WWC2: variants seen among roughly 807,000 people sequenced by gnomAD.
WWC2 encodes the protein WW and C2 domain containing 2.
WWC2 carries 101 observed loss-of-function variants against 138.5 expected under a neutral mutation model. The ratio of observed to expected loss-of-function variants is 0.73; its 90% CI spans 0.62 to 0.86. WWC2 has a LOEUF of 0.86. Ranked by LOEUF, WWC2 falls within the 40% of genes least tolerant of loss-of-function variation. The pLI is 0.00. For missense variants in WWC2, 1,420 were observed against 1,419.4 expected (o/e 1.00, Z -0.01); for synonymous variants, 558 against 538.4 (o/e 1.04, Z -0.50).
intron 21 of WWC2, among the ~76,000 whole-genome samples, chr4:183,291,261 A>G (rs1229044144): frequency 2.6e-5 from 4 of 152,198 alleles, no homozygotes; most frequent in Non-Finnish European, 2.9e-5. Flanking sequence ...GTGGAGCTTC[A>G]CAGCGGGGAG....
At chr4:183,278,479 A>G (rs1419620492) in intron 16 of WWC2, among the ~76,000 whole-genome samples, 9 of 152,106 alleles carry the variant, frequency 5.9e-5, no homozygotes, top group Admixed American at 4.6e-4. Context: ...TTGGTTCCAT[A>G]TGAACTTTAA....
intron 2 of WWC2, 91 bp from the exon 3 acceptor site, chr4:183,207,862 C>T (rs1668256239): frequency 7.3e-6 from 9 of 1,231,144 alleles, no homozygotes; most frequent in Admixed American, 2.8e-5. Context: ...TTAGAGGATA[C>T]AAGAACTTAA....
chr4:183,231,206 A>G (rs570278497), intron 4 of WWC2, among the ~76,000 whole-genome samples: 1 of 148,788 alleles, frequency 6.7e-6, no homozygotes, highest in Non-Finnish European at 1.5e-5. Flanking sequence ...AAAATTATTC[A>G]CTGTACTAAC....
At chr4:183,181,020 T>C (rs919705376) in intron 1 of WWC2, among the ~76,000 whole-genome samples, 1 of 152,244 alleles carries the variant, frequency 6.6e-6, no homozygotes, top group Non-Finnish European at 1.5e-5. Flanking sequence ...ATGCACACAT[T>C]ACAAATTGTG....
At chr4:183,231,563 C>G (rs528161349) in intron 4 of WWC2, among the ~76,000 whole-genome samples, 19 of 152,208 alleles carry the variant, frequency 1.2e-4, no homozygotes, top group Middle Eastern at 3.4e-3. Context: ...AGTCACCATG[C>G]CCGTCCCAGA....
chr4:183,140,442 A>G (rs560086220), intron 1 of WWC2, among the ~76,000 whole-genome samples: 1 of 152,166 alleles, frequency 6.6e-6, no homozygotes, highest in Non-Finnish European at 1.5e-5. Context: ...TATTGCAATG[A>G]TTCTTTCATA....
At chr4:183,140,147 A>G (rs1733257975) in intron 1 of WWC2, among the ~76,000 whole-genome samples, 1 of 152,190 alleles carries the variant, frequency 6.6e-6, no homozygotes, top group African/African-American at 2.4e-5. Flanking sequence ...CATCGCTGGT[A>G]TGTATAGGTG....
At chr4:183,171,522 T>G (rs73870354) in intron 1 of WWC2, among the ~76,000 whole-genome samples, 4,581 of 152,260 alleles carry the variant, frequency 0.03, 240 homozygotes, top group African/African-American at 0.11. Flanking sequence ...TCTTTAGAGG[T>G]AAATTTGAAA....
At chr4:183,302,482 C>G (rs753783118) in intron 21 of WWC2, among the ~76,000 whole-genome samples, 14 of 152,156 alleles carry the variant, frequency 9.2e-5, no homozygotes, top group Non-Finnish European at 2.1e-4. Flanking sequence ...GGCTACCCAC[C>G]ACCTTTAGAC....
chr4:183,186,163 C>T (rs1482941938), intron 1 of WWC2, among the ~76,000 whole-genome samples: 2 of 152,096 alleles, frequency 1.3e-5, no homozygotes, highest in Non-Finnish European at 2.9e-5. Context: ...ACAGGATGGT[C>T]TCGATCTCCT....
chr4:183,224,983 A>G (rs1580076736), intron 4 of WWC2, among the ~76,000 whole-genome samples: 1 of 151,984 alleles, frequency 6.6e-6, no homozygotes, highest in East Asian at 1.9e-4. Context: ...TGATAATGGA[A>G]CCTCTTTATG....
At chr4:183,196,246 A>T (rs1735138528) in intron 2 of WWC2, among the ~76,000 whole-genome samples, 1 of 152,158 alleles carries the variant, frequency 6.6e-6, no homozygotes, top group Non-Finnish European at 1.5e-5. Flanking sequence ...GTATTCCTTT[A>T]TAACAAGGCA....
At chr4:183,163,005 A>T (rs1004910998) in intron 1 of WWC2, among the ~76,000 whole-genome samples, 2 of 152,158 alleles carry the variant, frequency 1.3e-5, no homozygotes, top group South Asian at 2.1e-4. Context: ...GCCCTTTTAC[A>T]TGAGTGCCTA....
At chr4:183,222,069 G>T (rs138474642) in intron 4 of WWC2, among the ~76,000 whole-genome samples, 1 of 152,238 alleles carries the variant, frequency 6.6e-6, no homozygotes, top group Non-Finnish European at 1.5e-5. Flanking sequence ...AAAAGGAACA[G>T]GTTACTGATA....
intron 1 of WWC2, among the ~76,000 whole-genome samples, chr4:183,126,439 A>G (rs542324504): frequency 6.6e-6 from 1 of 152,154 alleles, no homozygotes; most frequent in Non-Finnish European, 1.5e-5. Flanking sequence ...GGGCTTCTCA[A>G]ATATCTAGTA....
In WWC2 at chr4:183,196,184, C is replaced by A. The variant is rs532832467; in HGVS notation, c.241+2476C>A. Among the ~76,000 whole-genome samples the A allele has an allele frequency of 3.3e-5, 5 of 152,300 alleles. No homozygotes were observed. In the South Asian group the frequency reaches 8.3e-4, roughly 25 times the overall value. ...ACTGGGGCCGTGCTTGTATATCCTG[C>A]AGAACCGTGAGTTAATTAAACCTCT... On this transcript the variant is annotated intron_variant, in intron 2 of 22. Coordinates refer to ENST00000403733, the MANE Select transcript of WWC2 (RefSeq NM_024949.6).
intron 4 of WWC2, among the ~76,000 whole-genome samples, chr4:183,236,241 A>G (rs1035709457): frequency 1.3e-5 from 2 of 152,152 alleles, no homozygotes; most frequent in African/African-American, 4.8e-5. Context: ...TTTGGTTACT[A>G]TACCTCTGTT....
chr4:183,269,219 G>C, intron 15 of WWC2, 56 bp downstream of exon 15: 1 of 1,543,316 alleles, frequency 6.5e-7, no homozygotes, highest in Non-Finnish European at 8.8e-7. Flanking sequence ...GTGGTCTGAG[G>C]ATATACTTTG....
Position 183,320,354 on chromosome 4 carries a change from GTTGCTATTGTTTGA to G in WWC2, c.*4628_*4641del. ...TGTATATAGGAGGATTCTTGCCAGA[GTTGCTATTGTTTGA>G]TTCCATGTTGAATGGGTTTCACAAA... On this transcript the variant is annotated 3_prime_UTR_variant, in exon 23 of 23. Coordinates refer to ENST00000403733, the MANE Select transcript of WWC2 (RefSeq NM_024949.6). 2.4e-6 allele frequency: 2 copies of G among 838,826 alleles called. No homozygotes were observed. Among genetic ancestry groups the G allele is most frequent in the Non-Finnish European group, 3.7e-6 (2 of 540,452 alleles). 52.0% of individuals were successfully genotyped at this position (838,826 alleles called of 1,614,324 possible). A position where few individuals can be genotyped will look rare whatever the true frequency, so the allele number is the denominator to read the frequency against.
Sources: gnomAD v4.1 joint callset for allele counts (sites outside exome capture counted in the v4.1 genomes callset) on GRCh38, gnomAD v4.1.1 for gene constraint, MANE v1.5 for transcripts, NCBI Gene and HGNC (gene_info 2026-07-23, HGNC 2026-07-21) for gene names.